Variants in HDAC9 observed in about 807,000 individuals in gnomAD.
HDAC9 encodes MEF-2 interacting transcription repressor (MITR) protein.
HDAC9 carries 41 observed loss-of-function variants against 139.4 expected under a neutral mutation model. That is an observed-to-expected ratio of 0.29 (90% CI 0.23 to 0.38). The LOEUF is 0.38. HDAC9 is among the 10% of genes least tolerant of loss of function. The pLI is 1.00. For synonymous variants in HDAC9, 517 were observed against 476.2 expected, an observed-to-expected ratio of 1.09 and a Z score of -1.12; for missense variants, 1,147 against 1,297.0, an observed-to-expected ratio of 0.88 and a Z score of 1.78.
At chr7:18,255,626 CTTTTTTTTTTT>C (rs11386457) in intron 2 of HDAC9, among the ~76,000 whole-genome samples, 4 of 113,610 alleles carry the variant, frequency 3.5e-5, no homozygotes, top group African/African-American at 6.7e-5. Flanking sequence ...TTTTTCTTTC[CTTTTTTTTTTT>C]TTTTTTTTGG....
chr7:18,202,753 T>C (rs963489097), intron 2 of HDAC9, among the ~76,000 whole-genome samples: 1 of 152,198 alleles, frequency 6.6e-6, no homozygotes, highest in South Asian at 2.1e-4. Context: ...CATGGGCATG[T>C]CAAGTATCTG....
chr7:18,767,335 T>C (rs2129161274), intron 16 of HDAC9, among the ~76,000 whole-genome samples, 180 bp downstream of exon 16: 1 of 152,280 alleles, frequency 6.6e-6, no homozygotes, highest in Non-Finnish European at 1.5e-5. Flanking sequence ...TTGTTAAAAA[T>C]AAATTCTTAA....
intron 1 of HDAC9, among the ~76,000 whole-genome samples, chr7:18,411,399 G>A (rs1788535506): frequency 6.6e-6 from 1 of 151,940 alleles, no homozygotes; most frequent in South Asian, 2.1e-4. Context: ...TTTTGAGATG[G>A]AGTCTTGCTC....
At chr7:18,581,665 C>A (rs999957984) in intron 2 of HDAC9, among the ~76,000 whole-genome samples, 2 of 152,114 alleles carry the variant, frequency 1.3e-5, no homozygotes, top group African/African-American at 4.8e-5. Context: ...TATAGCTTGG[C>A]CTTTTTAATG....
chr7:18,303,750 G>C (rs1378334456), intron 1 of HDAC9, among the ~76,000 whole-genome samples: 1 of 152,166 alleles, frequency 6.6e-6, no homozygotes, highest in Non-Finnish European at 1.5e-5. Flanking sequence ...TAGAATGTGA[G>C]TGATTTGGCA....
chr7:18,373,588 A>G (rs1410257909), intron 1 of HDAC9, among the ~76,000 whole-genome samples: 1 of 152,158 alleles, frequency 6.6e-6, no homozygotes, highest in African/African-American at 2.4e-5. Context: ...TTCTACTTTA[A>G]TGGGATTTCA....
intron 2 of HDAC9, among the ~76,000 whole-genome samples, chr7:18,214,780 C>A (rs1792181741): frequency 6.6e-6 from 1 of 152,006 alleles, no homozygotes; most frequent in Non-Finnish European, 1.5e-5. Context: ...CAGGGCATAC[C>A]TGCAAATTCT....
intron 12 of HDAC9, among the ~76,000 whole-genome samples, chr7:18,690,672 A>C (rs1340898934): frequency 1.3e-5 from 2 of 152,026 alleles, no homozygotes; most frequent in South Asian, 4.1e-4. Context: ...CACATTGTGC[A>C]TGAATTTATT....
At chr7:18,239,847 A>T (rs1183920963) in intron 2 of HDAC9, among the ~76,000 whole-genome samples, 3 of 152,182 alleles carry the variant, frequency 2.0e-5, no homozygotes, top group Non-Finnish European at 4.4e-5. Context: ...GTTCCAAGGT[A>T]AGTAGGCAAA....
intron 24 of HDAC9, among the ~76,000 whole-genome samples, chr7:18,972,369 C>CTTTTTTTTTT (rs199909134): frequency 3.2e-5 from 3 of 94,896 alleles, no homozygotes; most frequent in African/African-American, 7.6e-5. Flanking sequence ...ATGAACTTCT[C>CTTTTTTTTTT]TTTTTTTTTT....
At position 18,726,705 on chromosome 7, in the gene HDAC9, AAATT is replaced by A. The variant is rs1384048874; in HGVS notation, c.1732-874_1732-871del. On this transcript the variant is annotated intron_variant, in intron 12 of 25. Transcript: ENST00000686413. ...TAAATATTTTTATTAATAAATAAAT[AAATT>A]CTTTATTAATAAATAAAATTTTGAA... Among the ~76,000 whole-genome samples, 256 of 150,634 alleles carry A rather than the reference AAATT, an allele frequency of 1.7e-3. 1 individual carries two copies. Among genetic ancestry groups the A allele is most frequent in the Middle Eastern group, 7.0e-3 (2 of 286 alleles).
intron 12 of HDAC9, among the ~76,000 whole-genome samples, chr7:18,695,433 A>G (rs1172792963): frequency 6.6e-6 from 1 of 152,224 alleles, no homozygotes; most frequent in Non-Finnish European, 1.5e-5. Context: ...TTTATATGAC[A>G]CAGTCCATGT....
chr7:18,733,077 G>A (rs1389680865), intron 13 of HDAC9, among the ~76,000 whole-genome samples: 1 of 143,168 alleles, frequency 7.0e-6, no homozygotes, highest in Admixed American at 6.9e-5. Flanking sequence ...ATATACACAT[G>A]TATACACATA....
chr7:18,593,188 T>A (rs1261429866), intron 5 of HDAC9, among the ~76,000 whole-genome samples: 1 of 152,100 alleles, frequency 6.6e-6, no homozygotes, highest in African/African-American at 2.4e-5. Context: ...GGTAGAACAA[T>A]CATTGTGATG....
intron 1 of HDAC9, among the ~76,000 whole-genome samples, chr7:18,389,881 T>A (rs1316315359): frequency 6.6e-6 from 1 of 152,186 alleles, no homozygotes; most frequent in Admixed American, 6.5e-5. Context: ...GCTTCTGGGA[T>A]TGTATACTTT....
At chr7:18,843,014 T>A (rs1226588266) in intron 21 of HDAC9, among the ~76,000 whole-genome samples, 1 of 152,090 alleles carries the variant, frequency 6.6e-6, no homozygotes, top group Non-Finnish European at 1.5e-5. Context: ...CTTATTGTTT[T>A]TAAAAGGTCG....
intron 2 of HDAC9, among the ~76,000 whole-genome samples, chr7:18,177,296 G>T (rs1246619220): frequency 1.3e-5 from 2 of 152,172 alleles, no homozygotes; most frequent in African/African-American, 2.4e-5. Context: ...ATCTGTGTCT[G>T]AGCTTCCTGA....
upstream of HDAC9, among the ~76,000 whole-genome samples, chr7:18,495,461 AAC>A (rs1796730290): frequency 6.6e-6 from 1 of 152,192 alleles, no homozygotes; most frequent in East Asian, 1.9e-4. Flanking sequence ...CCAGTATGGA[AAC>A]ACAGTGTGTA....
chr7:18,487,211 A>G (rs1187003624), intron 1 of HDAC9, among the ~76,000 whole-genome samples: 2 of 152,194 alleles, frequency 1.3e-5, no homozygotes, highest in East Asian at 3.9e-4. Context: ...TACCAGGCAA[A>G]TGTGAATAAA....
Sources: gnomAD v4.1 joint callset for allele counts (sites outside exome capture counted in the v4.1 genomes callset) on GRCh38, gnomAD v4.1.1 for gene constraint, MANE v1.5 for transcripts, NCBI Gene and HGNC (gene_info 2026-07-23, HGNC 2026-07-21) for gene names.